Variants in SSBP2 observed in about 807,000 individuals in gnomAD.
The protein encoded by SSBP2 is single-stranded DNA-binding protein 2.
Under a neutral mutation model 61.8 loss-of-function variants are expected in SSBP2, and 17 were observed. The observed-to-expected ratio is 0.28, with a 90% CI of 0.19 to 0.41. The LOEUF is 0.41. Among genes scored for constraint, SSBP2 ranks in the 10% least tolerant of loss-of-function variants. The pLI is 1.00. For synonymous variants in SSBP2, 139 were observed against 141.3 expected (o/e 0.98, Z 0.12); for missense variants, 310 against 458.7 (o/e 0.68, Z 2.96).
chr5:81,646,588 A>G (rs1232488329), intron 2 of SSBP2, among the ~76,000 whole-genome samples: 1 of 147,816 alleles, frequency 6.8e-6, no homozygotes, highest in Non-Finnish European at 1.5e-5. Flanking sequence ...AAATTATTAC[A>G]TTCTCTAAAA....
chr5:81,716,278 A>G (rs1487462845), intron 1 of SSBP2, among the ~76,000 whole-genome samples: 1 of 152,196 alleles, frequency 6.6e-6, no homozygotes, highest in African/African-American at 2.4e-5. Flanking sequence ...GGGTAATAGT[A>G]GCCACTGTCG....
rs1487684786 is a variant in SSBP2 at position 81,417,225 on chromosome 5, T to A, written c.*3279A>T. ...TCCTCTTTATCAGCAACTGACTCCA[T>A]ACTGGAACATTTTCAAAGGAGTGCT... On this transcript the variant is annotated 3_prime_UTR_variant, in exon 17 of 17. Coordinates refer to ENST00000320672, the MANE Select transcript of SSBP2 (RefSeq NM_012446.5). The A allele has an allele frequency of 2.6e-5, 4 of 152,206 alleles. No homozygotes were observed. The highest frequency in any genetic ancestry group is 9.7e-5 in the African/African-American group (4 of 41,444). 9.4% of individuals were successfully genotyped at this position (152,206 alleles called of 1,614,324 possible).
In SSBP2 at chr5:81,626,581, A is replaced by G. The variant is rs144812695; in HGVS notation, c.197+9976T>C. On this transcript the variant is annotated intron_variant, in intron 3 of 16. Transcript: ENST00000320672. ...AGCAGTCTGAGCAGCATCAGCTATT[A>G]TAAGAGTGGGATGGATATCTGTACC... Among the ~76,000 whole-genome samples, 21 of 152,342 alleles carry G rather than the reference A, an allele frequency of 1.4e-4. 1 individual carries two copies. The East Asian group carries it at 3.5e-3, about 25-fold the overall frequency.
rs746730357 is a variant in SSBP2, at chr5:81,489,341, C to A, written c.373-32G>T. The A allele has an allele frequency of 2.3e-5, 36 of 1,553,506 alleles. No individual in the cohort carries two copies. The Admixed American group carries it at 3.2e-4, about 14-fold the overall frequency. On this transcript the variant is annotated intron_variant, in intron 5 of 16. Transcript: ENST00000320672. The stretch of plus-strand genomic sequence containing the variant: ...AAGTAAAACAAATAAACAAACAAAA[C>A]AAAAAACAGTACAATGTAAAATACA...
intron 4 of SSBP2, among the ~76,000 whole-genome samples, chr5:81,559,713 AC>A (rs1358062554): frequency 6.6e-6 from 1 of 152,124 alleles, no homozygotes; most frequent in South Asian, 2.1e-4. Flanking sequence ...TCATTTTAAT[AC>A]ATATGACTAC....
At chr5:81,561,899 C>T (rs528859969) in intron 4 of SSBP2, among the ~76,000 whole-genome samples, 1 of 151,950 alleles carries the variant, frequency 6.6e-6, no homozygotes, top group African/African-American at 2.4e-5. Context: ...AATGTTAAGA[C>T]CCTTTTTATT....
chr5:81,547,035 C>CTAAAA (rs1491449481), intron 4 of SSBP2, among the ~76,000 whole-genome samples: 1 of 7,972 alleles, frequency 1.3e-4, no homozygotes, highest in African/African-American at 6.7e-4. Flanking sequence ...CAAATCTTGG[C>CTAAAA]CAAAAAAAAA....
intron 4 of SSBP2, among the ~76,000 whole-genome samples, chr5:81,515,293 T>C (rs1768931139): frequency 6.6e-6 from 1 of 151,990 alleles, no homozygotes; most frequent in South Asian, 2.1e-4. Context: ...ATGTAGAAGT[T>C]GCTCTTAGTA....
chr5:81,474,626 C>A (rs1765466834), intron 6 of SSBP2, 64 bp from the exon 7 acceptor site: 2 of 1,232,918 alleles, frequency 1.6e-6, no homozygotes, highest in Non-Finnish European at 1.1e-6. Context: ...AGTTTTTTAA[C>A]AATTTCCTTT....
chr5:81,734,530 TATAG>T (rs548254609), intron 1 of SSBP2, among the ~76,000 whole-genome samples: 117 of 152,256 alleles, frequency 7.7e-4, no homozygotes, highest in African/African-American at 2.1e-3. Context: ...GTACACACCA[TATAG>T]ATAATCAACC....
chr5:81,734,062 C>T (rs59767376), intron 1 of SSBP2, among the ~76,000 whole-genome samples: 1,975 of 152,234 alleles, frequency 0.013, 48 homozygotes, highest in African/African-American at 0.045. Context: ...AAAAGGATGA[C>T]ATTTTCTGAT....
At chr5:81,692,319 T>C (rs6891393) in intron 1 of SSBP2, among the ~76,000 whole-genome samples, 4,614 of 151,888 alleles carry the variant, frequency 0.03, 183 homozygotes, top group African/African-American at 0.1. Context: ...ATCTCTGCAA[T>C]AAAAACTATA....
chr5:81,489,400 A>G (rs1178913163), intron 5 of SSBP2, 91 bp from the exon 6 acceptor site: 2 of 1,079,904 alleles, frequency 1.9e-6, no homozygotes, highest in Non-Finnish European at 2.6e-6. Context: ...AAATTTTAGA[A>G]TTAATCAAAT....
intron 14 of SSBP2, among the ~76,000 whole-genome samples, chr5:81,438,714 G>C (rs1007530574): frequency 2.6e-5 from 4 of 152,150 alleles, no homozygotes; most frequent in African/African-American, 7.2e-5. Context: ...AAGATAATGA[G>C]AGCCTTTTAA....
intron 4 of SSBP2, among the ~76,000 whole-genome samples, chr5:81,552,879 T>C (rs1177656909): frequency 1.3e-5 from 2 of 152,180 alleles, no homozygotes. Context: ...CATCCATTTA[T>C]ACAGCAATGG....
At chr5:81,559,254 G>A (rs1772841849) in intron 4 of SSBP2, among the ~76,000 whole-genome samples, 1 of 152,098 alleles carries the variant, frequency 6.6e-6, no homozygotes, top group South Asian at 2.1e-4. Context: ...GGGCGTGGTG[G>A]GCCGTGCCTG....
chr5:81,485,491 TA>T (rs772272752), intron 6 of SSBP2, among the ~76,000 whole-genome samples: 1 of 152,136 alleles, frequency 6.6e-6, no homozygotes, highest in Non-Finnish European at 1.5e-5. Context: ...ACAAATTGAG[TA>T]AAATCTGTTT....
intron 2 of SSBP2, among the ~76,000 whole-genome samples, chr5:81,646,188 T>C (rs1238024894): frequency 1.3e-5 from 2 of 152,152 alleles, no homozygotes; most frequent in Non-Finnish European, 2.9e-5. Context: ...CCCAGCACAG[T>C]AAAACCTGAT....
chr5:81,709,945 A>C (rs1754655844), intron 1 of SSBP2, among the ~76,000 whole-genome samples: 1 of 152,054 alleles, frequency 6.6e-6, no homozygotes, highest in Non-Finnish European at 1.5e-5. Context: ...CAGGAGAAGA[A>C]AAATAAGCAA....
Sources: allele counts gnomAD v4.1 joint callset (sites outside exome capture counted in the v4.1 genomes callset), GRCh38; gene constraint gnomAD v4.1.1; transcripts MANE v1.5; gene names NCBI Gene and HGNC (gene_info 2026-07-23, HGNC 2026-07-21).